The following MAP3K13 variants were observed in gnomAD, a reference collection of about 807,000 sequenced individuals.
The protein encoded by MAP3K13 is leucine zipper-bearing kinase.
In MAP3K13, 52 loss-of-function variants were observed where a neutral mutation model predicts 104.0. The ratio of observed to expected loss-of-function variants is 0.50; its 90% CI spans 0.40 to 0.63. The LOEUF is 0.63. MAP3K13 is among the 20% of genes least tolerant of loss of function. The probability of loss-of-function intolerance (pLI) is 0.00; values close to 1 mark genes in which losing one functional copy is unlikely to be tolerated. For missense variants in MAP3K13, 914 were observed against 1,218.5 expected, an observed-to-expected ratio of 0.75 and a Z score of 3.72; for synonymous variants, 394 against 442.2, an observed-to-expected ratio of 0.89 and a Z score of 1.37.
intron 2 of MAP3K13, among the ~76,000 whole-genome samples, chr3:185,332,232 C>T (rs530676420): frequency 7.2e-4 from 109 of 152,142 alleles, no homozygotes; most frequent in African/African-American, 2.5e-3. Context: ...GTACTCCCCC[C>T]CCCCATTATA....
In MAP3K13 at chr3:185,482,821, AAG is replaced by A. The variant is rs1553814536; in HGVS notation, c.*369_*370del. The A allele has an allele frequency of 4.4e-4, 104 of 236,208 alleles. No individual in the cohort carries two copies. Among genetic ancestry groups the A allele is most frequent in the Admixed American group, 8.4e-4 (15 of 17,848 alleles). 14.6% of individuals were successfully genotyped at this position (236,208 alleles called of 1,614,324 possible). ...GACAATAATTTCTTGCAAAAAAAAAAAGAGATAAAAGAAAGAACAGAAAAAAA... is the reference window on the plus strand; with the variant it reads ...GACAATAATTTCTTGCAAAAAAAAAAAGATAAAAGAAAGAACAGAAAAAAA... On this transcript the variant is annotated 3_prime_UTR_variant, in exon 14 of 14. Transcript: ENST00000265026. The surrounding 1 kb of genome is among the most constrained non-coding windows in gnomAD (Gnocchi z 4.5).
At chr3:185,290,696 A>G (rs2108672359) in intron 2 of MAP3K13, among the ~76,000 whole-genome samples, 1 of 152,316 alleles carries the variant, frequency 6.6e-6, no homozygotes, top group South Asian at 2.1e-4. Flanking sequence ...TTATCTGTAA[A>G]TAGGAGACAT....
At chr3:185,458,426 A>C (rs1716895711) in intron 7 of MAP3K13, among the ~76,000 whole-genome samples, 1 of 151,662 alleles carries the variant, frequency 6.6e-6, no homozygotes, top group Non-Finnish European at 1.5e-5. Context: ...GTACGATAGC[A>C]TAAAACAAAA....
intron 1 of MAP3K13, among the ~76,000 whole-genome samples, chr3:185,411,250 A>G (rs1451070343): frequency 6.6e-6 from 1 of 152,208 alleles, no homozygotes; most frequent in African/African-American, 2.4e-5. Flanking sequence ...ACACAGAAAA[A>G]AAAATCAGAA....
rs1721857738 is a variant in MAP3K13, at chr3:185,321,248, T to C, written c.-86+35605T>C. 1.3e-5 allele frequency among the ~76,000 whole-genome samples: 2 copies of C among 152,178 alleles called. 1 individual carries two copies. The highest frequency in any genetic ancestry group is 4.1e-4 in the South Asian group (2 of 4,830). On this transcript the variant is annotated intron_variant, in intron 2 of 14. Transcript: ENST00000424227. ...TGCACACACATATACACGTGTATAT[T>C]ATATATATGCACACACAGATATGCA...
intron 7 of MAP3K13, among the ~76,000 whole-genome samples, chr3:185,455,202 GAT>G (rs1198285569): frequency 1.4e-5 from 1 of 73,890 alleles, no homozygotes; most frequent in African/African-American, 5.1e-5. Flanking sequence ...ATATATATAT[GAT>G]ATATATGAGA....
intron 2 of MAP3K13, among the ~76,000 whole-genome samples, chr3:185,347,967 G>A (rs1722994791): frequency 6.8e-6 from 1 of 146,282 alleles, no homozygotes; most frequent in Non-Finnish European, 1.5e-5. Flanking sequence ...AGCCGAGATT[G>A]CATCATTGCA....
intron 1 of MAP3K13, among the ~76,000 whole-genome samples, chr3:185,284,755 A>AT (rs1246690605): frequency 6.7e-6 from 1 of 149,264 alleles, no homozygotes; most frequent in African/African-American, 2.5e-5. Flanking sequence ...AATAAATAAA[A>AT]TTTAAAAAAT....
At position 185,428,928 on chromosome 3, in the gene MAP3K13, T is replaced by A; in HGVS notation, c.347T>A (p.Ile116Lys). 6.2e-7 allele frequency: 1 copy of A among 1,614,032 alleles called. No individual in the cohort carries two copies. The highest frequency in any genetic ancestry group is 1.3e-5 in the African/African-American group (1 of 74,990). The change falls in exon 2 of 14, where the codon ATA (isoleucine) becomes AAA (lysine). Residue 116 changes from isoleucine to lysine, a missense_variant. Around this residue, in one of 3 missense-constraint regions of MAP3K13, gnomAD observed 156 missense variants for 159.8 expected, o/e 0.98. Transcript: ENST00000265026. Reference protein sequence around the residue: ...DGESTSGTEDIKIQFSRSGSG... With the variant: ...DGESTSGTEDKKIQFSRSGSG... ...GAGAGCACAAGCGGAACTGAAGACATAAAGATTCAGTTCAGCAGGTCAGGC... is the reference window on the plus strand; with the variant it reads ...GAGAGCACAAGCGGAACTGAAGACAAAAAGATTCAGTTCAGCAGGTCAGGC...
At chr3:185,443,910 A>G (rs1393872123) in intron 4 of MAP3K13, among the ~76,000 whole-genome samples, 1 of 152,230 alleles carries the variant, frequency 6.6e-6, no homozygotes, top group Non-Finnish European at 1.5e-5. Context: ...TGAAGTATTC[A>G]CCTTCTGTCA....
intron 2 of MAP3K13, among the ~76,000 whole-genome samples, chr3:185,321,016 TAC>T (rs1721837317): frequency 7.9e-6 from 1 of 126,866 alleles, no homozygotes; most frequent in African/African-American, 2.7e-5. Context: ...CATGTATATA[TAC>T]ATATGTGTGT....
Position 185,446,258 on chromosome 3 carries a change from A to T in MAP3K13, c.852-1531A>T, listed in dbSNP as rs538342962. On this transcript the variant is annotated intron_variant, in intron 4 of 13. Transcript: ENST00000265026. The stretch of plus-strand genomic sequence containing the variant: ...CTATTTGAGGATGAAGCCTCTTATC[A>T]TTTTTTTTTTTTTTTGAGATGGGGT... Among the ~76,000 whole-genome samples the T allele has an allele frequency of 8.2e-3, 1,155 of 141,032 alleles. 10 individuals are homozygous for T. Among genetic ancestry groups the T allele is most frequent in the Middle Eastern group, 0.015 (4 of 268 alleles). The allele number at this position is 141,032 out of a possible 152,430, so 92.5% of individuals were successfully genotyped here.
intron 7 of MAP3K13, among the ~76,000 whole-genome samples, chr3:185,460,955 A>C (rs1717063665): frequency 6.6e-6 from 1 of 152,242 alleles, no homozygotes; most frequent in Non-Finnish European, 1.5e-5. Context: ...GGAGTATTTT[A>C]GTAGGATACA....
chr3:185,451,230 T>C, intron 6 of MAP3K13, 57 bp from the exon 7 acceptor site: 1 of 1,251,224 alleles, frequency 8.0e-7, no homozygotes, highest in Non-Finnish European at 1.1e-6. Context: ...TAAAATAAAA[T>C]CTTCATTCTC....
chr3:185,412,984 T>A (rs1257789153), intron 1 of MAP3K13, among the ~76,000 whole-genome samples: 1 of 152,240 alleles, frequency 6.6e-6, no homozygotes, highest in Non-Finnish European at 1.5e-5. Context: ...AGTAATCTAA[T>A]TTCATTTTTT....
intron 1 of MAP3K13, among the ~76,000 whole-genome samples, chr3:185,409,258 C>T (rs912622879): frequency 3.3e-5 from 5 of 152,188 alleles, no homozygotes; most frequent in African/African-American, 1.2e-4. Context: ...GTCCCAGCTA[C>T]TTGGGAGTCT....
intron 1 of MAP3K13, among the ~76,000 whole-genome samples, chr3:185,372,632 A>C (rs1724215232): frequency 6.6e-6 from 1 of 152,208 alleles, no homozygotes; most frequent in African/African-American, 2.4e-5. Context: ...ATTTCTTTTA[A>C]CTGAATCTTA....
intron 5 of MAP3K13, among the ~76,000 whole-genome samples, 167 bp from the exon 6 acceptor site, chr3:185,449,731 ATT>A (rs11322943): frequency 0.024 from 3,507 of 144,468 alleles, 119 homozygotes; most frequent in African/African-American, 0.079. Context: ...CCCCACATAG[ATT>A]TTTTTTTTTT....
At chr3:185,447,674 G>A in intron 4 of MAP3K13, 115 bp from the exon 5 acceptor site, 1 of 756,086 alleles carries the variant, frequency 1.3e-6, no homozygotes, top group Non-Finnish European at 2.1e-6. Context: ...GAAACTGCAA[G>A]CTGAATGCTA....
Sources: allele counts gnomAD v4.1 joint callset (sites outside exome capture counted in the v4.1 genomes callset), GRCh38; gene constraint gnomAD v4.1.1; regional missense constraint gnomAD v4.1.1; non-coding constraint Gnocchi (gnomAD v3.1); transcripts MANE v1.5; gene names NCBI Gene and HGNC (gene_info 2026-07-23, HGNC 2026-07-21).